Variants in CLPB observed in about 807,000 individuals in gnomAD.
CLPB encodes the protein ClpB family mitochondrial disaggregase, also known as mitochondrial disaggregase.
A neutral mutation model predicts 78.4 loss-of-function variants in CLPB; 40 were observed. The ratio of observed to expected loss-of-function variants is 0.51; its 90% CI spans 0.40 to 0.66. The LOEUF is 0.66. Among genes scored for constraint, CLPB ranks in the 30% least tolerant of loss-of-function variants. CLPB has a pLI of 0.00. For synonymous variants in CLPB, 333 were observed against 348.0 expected (o/e 0.96, Z 0.48); for missense variants, 780 against 886.9 (o/e 0.88, Z 1.53).
chr11:72,362,865 G>C (rs1950866316), intron 4 of CLPB, among the ~76,000 whole-genome samples: 1 of 152,136 alleles, frequency 6.6e-6, no homozygotes, highest in Admixed American at 6.5e-5. Context: ...CAGTGAGGTG[G>C]GCAAAGTGAG....
chr11:72,422,476 C>T (rs772009732), intron 2 of CLPB, among the ~76,000 whole-genome samples: 2 of 151,992 alleles, frequency 1.3e-5, no homozygotes, highest in African/African-American at 2.4e-5. Flanking sequence ...GCTGCCTTTC[C>T]AACATTCTGG....
At chr11:72,386,072 T>G (rs184654016) in intron 3 of CLPB, among the ~76,000 whole-genome samples, 103 of 152,354 alleles carry the variant, frequency 6.8e-4, no homozygotes, top group African/African-American at 2.3e-3. Context: ...TTGTGCTAAT[T>G]TTTATTTTCA....
chr11:72,414,564 G>A (rs1219626074), intron 2 of CLPB, among the ~76,000 whole-genome samples: 1 of 152,216 alleles, frequency 6.6e-6, no homozygotes, highest in Non-Finnish European at 1.5e-5. Context: ...CAAAGGTGTG[G>A]CCTTCACTCA....
Position 72,285,692 on chromosome 11 carries a change from A to G in CLPB, c.*7675T>C, listed in dbSNP as rs1302530917. The G allele has an allele frequency of 1.3e-5, 2 of 152,184 alleles. No individual in the cohort carries two copies. Among genetic ancestry groups the G allele is most frequent in the Non-Finnish European group, 2.9e-5 (2 of 68,044 alleles). 9.4% of individuals were successfully genotyped at this position (152,184 alleles called of 1,614,324 possible). ...AATACATTAATATGGTTCAAAGCTT[A>G]CTAAAAAGTATTTAAAATAACATAG... On this transcript the variant is annotated 3_prime_UTR_variant, in exon 16 of 16. Transcript: ENST00000538039.
intron 4 of CLPB, among the ~76,000 whole-genome samples, chr11:72,371,533 AAAAATAAAATAAAATAAAATAAAAT>A (rs5792587): frequency 0.074 from 9,346 of 126,182 alleles, 508 homozygotes; most frequent in African/African-American, 0.15. Context: ...ACTCTGTCTC[AAAAATAAAATAAAATAAAATAAAAT>A]AAAATAAAAT....
intron 5 of CLPB, among the ~76,000 whole-genome samples, chr11:72,348,406 C>A (rs528038309): frequency 2.3e-4 from 35 of 152,202 alleles, no homozygotes; most frequent in Non-Finnish European, 4.6e-4. Flanking sequence ...CATCTCCCTA[C>A]CCCTTTATCC....
At position 72,407,783 on chromosome 11, in the gene CLPB, C is replaced by A. The variant is rs4943891; in HGVS notation, c.456-4731G>T. Reference sequence around the variant, plus strand: ...TGCCTCAGCCTCCCAAGTAGCTGGGCCTACAGGTGCCTGCCACCACGCCCA... The same window carrying A: ...TGCCTCAGCCTCCCAAGTAGCTGGGACTACAGGTGCCTGCCACCACGCCCA... On this transcript the variant is annotated intron_variant, in intron 2 of 15. Coordinates refer to ENST00000538039, the MANE Select transcript of CLPB (RefSeq NM_001258392.3). Among the ~76,000 whole-genome samples the A allele has an allele frequency of 0.79, 120,586 of 151,912 alleles. 47,891 individuals are homozygous for A. Among genetic ancestry groups the A allele is most frequent in the East Asian group, 0.84 (4,318 of 5,142 alleles).
chr11:72,356,627 A>G (rs1950721927), intron 5 of CLPB, among the ~76,000 whole-genome samples: 1 of 152,202 alleles, frequency 6.6e-6, no homozygotes, highest in Non-Finnish European at 1.5e-5. Context: ...CTAAAAAGGC[A>G]GGTGGGAGAA....
chr11:72,351,739 T>C (rs946839298), intron 5 of CLPB, among the ~76,000 whole-genome samples: 3 of 151,940 alleles, frequency 2.0e-5, no homozygotes, highest in African/African-American at 4.8e-5. Context: ...GCCTGGCTAA[T>C]TTTTGTATTT....
At chr11:72,316,079 T>A (rs899299711) in intron 7 of CLPB, among the ~76,000 whole-genome samples, 3 of 152,130 alleles carry the variant, frequency 2.0e-5, no homozygotes, top group Non-Finnish European at 2.9e-5. Flanking sequence ...GCAAGGTGGA[T>A]GCAGTAACTT....
rs2135483781 is a variant in CLPB at position 72,293,528 on chromosome 11, C to T, written c.1873G>A (p.Asp625Asn). 3 of 1,614,112 alleles carry T rather than the reference C, an allele frequency of 1.9e-6. No individual in the cohort carries two copies. The East Asian group carries it at 6.7e-5, about 36-fold the overall frequency. The change falls in exon 16 of 16, where the codon GAC (aspartate) becomes AAC (asparagine). Residue 625 changes from aspartate (D) to asparagine (N), a missense_variant. Asp to Asn is a conservative substitution (Grantham distance 23, BLOSUM62 1). This residue lies in a region of CLPB where 272 missense variants were observed against 304.0 expected (regional missense o/e 0.89). Coordinates refer to ENST00000538039, the MANE Select transcript of CLPB (RefSeq NM_001258392.3). ...CTTTTGAGTAGCTGCTTGTCTGAGT[C>T]CTCCACCGTGATGCGCAAAGTACAG... ...GGCTLRITVE[D>N]SDKQLLKSPE...
rs774884999 is a variant in CLPB, at chr11:72,286,595, C to T, written c.*6772G>A. ...GGTTCAAGGGATTCCTGTGCCTCAGCCTCCCAAATAGCTGGAATTACCGGC... is the reference window on the plus strand; with the variant it reads ...GGTTCAAGGGATTCCTGTGCCTCAGTCTCCCAAATAGCTGGAATTACCGGC... On this transcript the variant is annotated 3_prime_UTR_variant, in exon 16 of 16. Coordinates refer to ENST00000538039, the MANE Select transcript of CLPB (RefSeq NM_001258392.3). 3 of 152,144 alleles carry T rather than the reference C, an allele frequency of 2.0e-5. No individual in the cohort carries two copies. Among genetic ancestry groups the T allele is most frequent in the Non-Finnish European group, 2.9e-5 (2 of 68,038 alleles). 9.4% of individuals were successfully genotyped at this position (152,144 alleles called of 1,614,324 possible). A position where few individuals can be genotyped will look rare whatever the true frequency, so the allele number is the denominator to read the frequency against.
chr11:72,433,528 G>C (rs533347199), intron 1 of CLPB, among the ~76,000 whole-genome samples: 1 of 150,516 alleles, frequency 6.6e-6, no homozygotes, highest in Non-Finnish European at 1.5e-5. Context: ...GACAGAGCAA[G>C]ACTCCATCTC....
intron 7 of CLPB, among the ~76,000 whole-genome samples, chr11:72,313,305 A>G (rs1949880650): frequency 6.6e-6 from 1 of 152,192 alleles, no homozygotes; most frequent in African/African-American, 2.4e-5. Context: ...TACTGAGTGG[A>G]TACTGATGCC....
At chr11:72,324,272 A>G (rs114081444) in intron 6 of CLPB, among the ~76,000 whole-genome samples, 1,701 of 152,224 alleles carry the variant, frequency 0.011, 31 homozygotes, top group African/African-American at 0.039. Context: ...AAAGCTTTTA[A>G]AAGTTAAAAA....
At chr11:72,332,280 C>T (rs1284257962) in intron 5 of CLPB, among the ~76,000 whole-genome samples, 8 of 148,936 alleles carry the variant, frequency 5.4e-5, no homozygotes, top group Admixed American at 4.0e-4. Flanking sequence ...GCCAGGAGTT[C>T]GAGACCAGCC....
In CLPB at chr11:72,293,450, C is replaced by G; in HGVS notation, c.1951G>C (p.Glu651Gln). ...GTCTTGCTGTCCTTGTCGATGATCTCCAGACGCAGCTTGGGGAGGCGCTTC... is the reference window on the plus strand; with the variant it reads ...GTCTTGCTGTCCTTGTCGATGATCTGCAGACGCAGCTTGGGGAGGCGCTTC... ...AEKRLPKLRLEIIDKDSKTRR... is the reference protein window; with the variant it reads ...AEKRLPKLRLQIIDKDSKTRR... The change falls in exon 16 of 16, where the codon GAG (glutamate) becomes CAG (glutamine). Residue 651 changes from glutamate (E) to glutamine (Q), a missense_variant. Physicochemically the swap from Glu to Gln is conservative, Grantham distance 29 (BLOSUM62 2). This residue lies in a region of CLPB where 272 missense variants were observed against 304.0 expected (regional missense o/e 0.89). Transcript: ENST00000538039. 1 of 1,614,174 alleles carries G rather than the reference C, an allele frequency of 6.2e-7. No individual in the cohort carries two copies. The highest frequency in any genetic ancestry group is 8.5e-7 in the Non-Finnish European group (1 of 1,180,028).
chr11:72,363,504 C>T (rs1487408948), intron 4 of CLPB: 3 of 152,162 alleles, frequency 2.0e-5, no homozygotes, highest in Non-Finnish European at 1.5e-5. Flanking sequence ...GAACATGTTT[C>T]CATGAGAGGG....
At position 72,318,767 on chromosome 11, in the gene CLPB, T is replaced by A. The variant is rs537510406; in HGVS notation, c.874-1547A>T. On this transcript the variant is annotated intron_variant, in intron 6 of 15. Transcript: ENST00000538039. ...AGTCCTGGGGTTTCATATGGAGCAA[T>A]AATTCGGCGCCAATCCCAGTGGAGT... is the stretch of plus-strand genomic sequence containing the variant. 9.2e-5 allele frequency among the ~76,000 whole-genome samples: 14 copies of A among 152,224 alleles called. No individual in the cohort carries two copies. The South Asian group carries it at 2.5e-3, about 27-fold the overall frequency.
Sources: gnomAD v4.1 joint callset for allele counts (sites outside exome capture counted in the v4.1 genomes callset) on GRCh38, gnomAD v4.1.1 for gene constraint, gnomAD v4.1.1 regional missense constraint, MANE v1.5 for transcripts, NCBI Gene and HGNC (gene_info 2026-07-23, HGNC 2026-07-21) for gene names.